Variants in TENM2 observed in about 807,000 individuals in gnomAD.
TENM2 encodes the protein teneurin-2.
A neutral mutation model predicts 245.2 loss-of-function variants in TENM2; 52 were observed. That is an observed-to-expected ratio of 0.21 (90% confidence interval 0.17 to 0.27). TENM2 has a LOEUF of 0.27. Ranked by LOEUF, TENM2 falls within the 10% of genes least tolerant of loss-of-function variation. The probability of loss-of-function intolerance (pLI) is 1.00; values close to 1 mark genes in which losing one functional copy is unlikely to be tolerated. For synonymous variants in TENM2, 1,363 were observed against 1,438.9 expected (o/e 0.95, Z 1.19); for missense variants, 3,046 against 3,666.8 (o/e 0.83, Z 4.37).
the TENM2 span, among the ~76,000 whole-genome samples, chr5:167,183,617 A>C: frequency 1.3e-5 from 2 of 152,142 alleles, no homozygotes; most frequent in Non-Finnish European, 2.9e-5. Flanking sequence ...TTGGGGACAC[A>C]CTTTTTCCTC....
At position 168,115,394 on chromosome 5, in the gene TENM2, AAGGAAGG is replaced by A. The variant is rs1471163402; in HGVS notation, c.1814-2896_1814-2890del. Among the ~76,000 whole-genome samples the A allele has an allele frequency of 3.9e-3, 460 of 117,694 alleles. 8 individuals are homozygous for A. The highest frequency in any genetic ancestry group is 0.012 in the African/African-American group (327 of 27,954). The allele number at this position is 117,694 out of a possible 152,430, so 77.2% of individuals were successfully genotyped here. ...GAAGGAAGGAAGGAAGGAAGGAAGG[AAGGAAGG>A]AAGGAAGGGAAAGGAAAGGAAGGAA... is the stretch of plus-strand genomic sequence containing the variant. On this transcript the variant is annotated intron_variant, in intron 9 of 28. Transcript: ENST00000518659.
In TENM2 at chr5:168,053,890, C is replaced by T. The variant is rs571303839; in HGVS notation, c.1309+6341C>T. ...GATCTACCAGTAAAAAGCTGGGTGA[C>T]CCTAAGCAAGTCACTTATCTTCCAT... On this transcript the variant is annotated intron_variant, in intron 6 of 28. Transcript: ENST00000518659. 2.6e-5 allele frequency among the ~76,000 whole-genome samples: 4 copies of T among 152,186 alleles called. No homozygotes were observed. The South Asian group carries it at 8.3e-4, about 32-fold the overall frequency.
chr5:168,097,732 G>A (rs376206027), intron 8 of TENM2, among the ~76,000 whole-genome samples: 77 of 152,226 alleles, frequency 5.1e-4, no homozygotes, highest in African/African-American at 1.7e-3. Flanking sequence ...GATTACAGCT[G>A]TGAGCCACTG....
chr5:167,204,139 A>T, the TENM2 span, among the ~76,000 whole-genome samples: 111 of 149,802 alleles, frequency 7.4e-4, no homozygotes, highest in African/African-American at 2.6e-3. Context: ...GCTGTTAGAG[A>T]TTATTACAAG....
chr5:167,032,989 G>A, the TENM2 span, among the ~76,000 whole-genome samples: 3 of 152,094 alleles, frequency 2.0e-5, no homozygotes, highest in Non-Finnish European at 2.9e-5. Context: ...AAATTAAGGT[G>A]TAATTATTGG....
exon 5 of TENM2, chr5:167,993,062 A>G (rs745938154): frequency 6.2e-7 from 1 of 1,613,978 alleles, no homozygotes; most frequent in Non-Finnish European, 8.5e-7. Flanking sequence ...GCCCAGGAAT[A>G]CTTTCTCCAG....
intron 2 of TENM2, among the ~76,000 whole-genome samples, chr5:167,471,936 CT>C (rs1424239582): frequency 6.6e-6 from 1 of 152,196 alleles, no homozygotes; most frequent in Admixed American, 6.5e-5. Context: ...TCTGAGCCTT[CT>C]TTTTGAGAAT....
chr5:167,515,770 A>G (rs1230563459), intron 2 of TENM2, among the ~76,000 whole-genome samples: 1 of 146,232 alleles, frequency 6.8e-6, no homozygotes, highest in Non-Finnish European at 1.5e-5. Flanking sequence ...GGTTCATGCC[A>G]TTCTCCTGCC....
chr5:167,709,198 T>C (rs1191002302), intron 2 of TENM2, among the ~76,000 whole-genome samples: 1 of 152,224 alleles, frequency 6.6e-6, no homozygotes, highest in Non-Finnish European at 1.5e-5. Flanking sequence ...AGTTTCCTGC[T>C]TTGTAGTCCT....
intron 4 of TENM2, among the ~76,000 whole-genome samples, chr5:167,973,940 G>A (rs993597381): frequency 4.7e-5 from 7 of 150,504 alleles, no homozygotes; most frequent in Non-Finnish European, 1.0e-4. Context: ...ACACCAGAAA[G>A]GGAGGAAACT....
the TENM2 span, among the ~76,000 whole-genome samples, chr5:167,217,762 T>G: frequency 6.7e-6 from 1 of 149,684 alleles, no homozygotes; most frequent in Non-Finnish European, 1.5e-5. Flanking sequence ...GAGACAGATA[T>G]ATATATATAA....
rs147633512 is a variant in TENM2, at chr5:167,526,773, C to T, written c.502+151300C>T. ...CTTCTACCATAGATAATGCTTTCTC[C>T]GTTAGTATATATTTGGAACCTTTGT... is the stretch of plus-strand genomic sequence containing the variant. On this transcript the variant is annotated intron_variant, in intron 2 of 28. Coordinates refer to ENST00000518659, the Ensembl canonical transcript of TENM2. Among the ~76,000 whole-genome samples the T allele has an allele frequency of 1.1e-3, 160 of 152,048 alleles. 3 individuals are homozygous for T. In the East Asian group the frequency reaches 0.019, roughly 18 times the overall value.
intron 12 of TENM2, among the ~76,000 whole-genome samples, chr5:168,143,218 C>G (rs1369266796): frequency 6.6e-6 from 1 of 151,594 alleles, no homozygotes; most frequent in Admixed American, 6.6e-5. Context: ...TAATATCACC[C>G]CCAACACAGT....
intron 2 of TENM2, among the ~76,000 whole-genome samples, chr5:167,756,344 C>T (rs956265844): frequency 1.3e-5 from 2 of 152,166 alleles, no homozygotes; most frequent in Non-Finnish European, 2.9e-5. Flanking sequence ...CTCAACCCCA[C>T]AACACAAGCT....
At chr5:167,175,822 G>C in the TENM2 span, among the ~76,000 whole-genome samples, 3 of 152,154 alleles carry the variant, frequency 2.0e-5, no homozygotes, top group Middle Eastern at 3.2e-3. Context: ...CAATTCCCCT[G>C]CCTCAGCCCC....
chr5:167,819,676 C>A (rs1232247442), intron 2 of TENM2, among the ~76,000 whole-genome samples: 1 of 152,216 alleles, frequency 6.6e-6, no homozygotes, highest in Non-Finnish European at 1.5e-5. Context: ...GCAGTTCATT[C>A]TGCCTGTGGC....
chr5:167,898,432 G>A (rs1775420515), intron 3 of TENM2, among the ~76,000 whole-genome samples: 1 of 152,132 alleles, frequency 6.6e-6, no homozygotes, highest in Non-Finnish European at 1.5e-5. Context: ...TAAATTGGCA[G>A]CCTAGGCCAG....
intron 5 of TENM2, among the ~76,000 whole-genome samples, chr5:168,037,208 C>T (rs894605798): frequency 1.3e-5 from 2 of 152,062 alleles, no homozygotes; most frequent in Admixed American, 6.5e-5. Flanking sequence ...TTGAGCTAAC[C>T]ATGTCAGAAA....
chr5:167,892,150 AAG>A (rs1774811835), intron 3 of TENM2, among the ~76,000 whole-genome samples: 1 of 152,230 alleles, frequency 6.6e-6, no homozygotes, highest in African/African-American at 2.4e-5. Flanking sequence ...ATGAGAAGAA[AAG>A]AGAAGTGCTA....
Sources: allele counts gnomAD v4.1 joint callset (sites outside exome capture counted in the v4.1 genomes callset), GRCh38; gene constraint gnomAD v4.1.1; transcripts MANE v1.5; gene names NCBI Gene and HGNC (gene_info 2026-07-23, HGNC 2026-07-21).